The following NUP155 variants were observed in gnomAD, a reference collection of about 807,000 sequenced individuals.
NUP155 encodes the protein nucleoporin 155.
In NUP155, 71 loss-of-function variants were observed where a neutral mutation model predicts 180.4. The observed-to-expected ratio is 0.39, with a 90% CI of 0.33 to 0.48. The LOEUF (loss-of-function observed/expected upper bound fraction) is 0.48. Among genes scored for constraint, NUP155 ranks in the 20% least tolerant of loss-of-function variants. The pLI, the probability that NUP155 is intolerant of heterozygous loss-of-function variation, is 0.91. For missense variants in NUP155, 1,553 were observed against 1,648.9 expected (o/e 0.94, Z 1.01); for synonymous variants, 582 against 559.5 (o/e 1.04, Z -0.57).
chr5:37,346,385 T>G (rs535558730), intron 9 of NUP155, among the ~76,000 whole-genome samples: 6 of 152,200 alleles, frequency 3.9e-5, no homozygotes, highest in Non-Finnish European at 7.4e-5. Context: ...AAAAGAGTGT[T>G]TGCAGGTGGG....
chr5:37,292,718 G>A (rs1742301341), intron 34 of NUP155, among the ~76,000 whole-genome samples, 161 bp downstream of exon 34: 1 of 152,050 alleles, frequency 6.6e-6, no homozygotes, highest in South Asian at 2.1e-4. Context: ...GGTTGAAAAT[G>A]GAAAAAACTC....
At chr5:37,325,021 C>A (rs539708139) in intron 19 of NUP155, among the ~76,000 whole-genome samples, 1 of 152,094 alleles carries the variant, frequency 6.6e-6, no homozygotes, top group Non-Finnish European at 1.5e-5. Context: ...CATGGTGGCG[C>A]GCACCTGTAA....
rs995028488 is a variant in NUP155, at chr5:37,290,980, A to G, written c.*920T>C. On this transcript the variant is annotated 3_prime_UTR_variant, in exon 35 of 35. Transcript: ENST00000231498. ...TCAGTAGTCACAAGGCCAAGCAGCC[A>G]GGTAGACACTAAGGGAAAACAGTAC... The G allele has an allele frequency of 5.9e-5, 9 of 152,212 alleles. No individual in the cohort carries two copies. The highest frequency in any genetic ancestry group is 5.9e-4 in the Admixed American group (9 of 15,264). 9.4% of individuals were successfully genotyped at this position (152,212 alleles called of 1,614,324 possible). A position where few individuals can be genotyped will look rare whatever the true frequency, so the allele number is the denominator to read the frequency against.
intron 1 of NUP155, among the ~76,000 whole-genome samples, chr5:37,368,280 C>T (rs891606756): frequency 5.7e-5 from 8 of 140,204 alleles, no homozygotes; most frequent in African/African-American, 1.4e-4. Flanking sequence ...AGTGCAGCGG[C>T]GCAATCACAG....
chr5:37,347,494 G>A (rs1049900599), intron 9 of NUP155, among the ~76,000 whole-genome samples: 25 of 149,964 alleles, frequency 1.7e-4, no homozygotes, highest in African/African-American at 6.2e-4. Flanking sequence ...TCGGGAGTTC[G>A]AGACCAGCCT....
intron 33 of NUP155, 70 bp downstream of exon 33, chr5:37,294,259 C>A: frequency 1.9e-6 from 2 of 1,069,388 alleles, no homozygotes; most frequent in Non-Finnish European, 1.4e-6. Context: ...AATCAAAATA[C>A]CCCACTCTAT....
At chr5:37,349,995 A>T (rs1399939492) in intron 7 of NUP155, among the ~76,000 whole-genome samples, 165 bp downstream of exon 7, 4 of 152,202 alleles carry the variant, frequency 2.6e-5, no homozygotes, top group African/African-American at 7.2e-5. Flanking sequence ...CACTTTCTCT[A>T]GGTTATGATC....
chr5:37,296,194 G>C (rs1742556794), intron 32 of NUP155, among the ~76,000 whole-genome samples: 1 of 152,238 alleles, frequency 6.6e-6, no homozygotes, highest in South Asian at 2.1e-4. Flanking sequence ...AGCTCATTGA[G>C]AACGGGCCAT....
chr5:37,314,424 T>C lies in NUP155; in HGVS notation c.2306-96A>G, dbSNP rs1743740498. The C allele has an allele frequency of 6.4e-6, 6 of 935,476 alleles. No individual in the cohort carries two copies. The East Asian group carries it at 1.6e-4, about 25-fold the overall frequency. 57.9% of individuals were successfully genotyped at this position (935,476 alleles called of 1,614,324 possible). On this transcript the variant is annotated intron_variant, in intron 21 of 34. Coordinates refer to ENST00000231498, the MANE Select transcript of NUP155 (RefSeq NM_153485.3). The stretch of plus-strand genomic sequence containing the variant: ...TAGTTAAGGTTGAAATCCCTGTTGT[T>C]TTCTTCCTAGCCCCCATTACAGGCA...
At chr5:37,342,995 G>A (rs1279328178) in intron 9 of NUP155, among the ~76,000 whole-genome samples, 3 of 152,172 alleles carry the variant, frequency 2.0e-5, no homozygotes, top group Non-Finnish European at 2.9e-5. Context: ...CGCCCGCCTC[G>A]GCCTTCCAAA....
In NUP155 at chr5:37,370,757, G is replaced by T. The variant is rs866948639; in HGVS notation, c.157+64C>A. The T allele has an allele frequency of 1.8e-4, 291 of 1,613,422 alleles. 1 individual carries two copies. The Middle Eastern group carries it at 1.8e-3, about 10-fold the overall frequency. ...TCGCCGGGACCAACGCTGGGGATAA[G>T]TAGCAAATTAGGAAGTCAGGCGAGA... On this transcript the variant is annotated intron_variant, in intron 1 of 34. Transcript: ENST00000231498.
chr5:37,328,028 A>C (rs943996697), intron 17 of NUP155, among the ~76,000 whole-genome samples: 1 of 152,188 alleles, frequency 6.6e-6, no homozygotes, highest in Non-Finnish European at 1.5e-5. Flanking sequence ...ATAGACTTGC[A>C]AGTGTTCACA....
chr5:37,303,481 A>C, intron 27 of NUP155, 67 bp from the exon 28 acceptor site: 4 of 1,335,984 alleles, frequency 3.0e-6, no homozygotes, highest in Non-Finnish European at 4.3e-6. Context: ...TGATAAGGAA[A>C]ATATAGTATT....
chr5:37,351,470 G>A lies in NUP155; in HGVS notation c.557-114C>T, dbSNP rs1388036742. 9.2e-6 allele frequency: 7 copies of A among 761,058 alleles called. No individual in the cohort carries two copies. The South Asian group carries it at 1.2e-4, about 13-fold the overall frequency. The allele number at this position is 761,058 out of a possible 1,614,324, so 47.1% of individuals were successfully genotyped here. Reference sequence around the variant, plus strand: ...CTCAATTCTTTTTTTTTTTTCTTGAGACAGTCTTACTCTGTCACCCAGGCT... The same window carrying A: ...CTCAATTCTTTTTTTTTTTTCTTGAAACAGTCTTACTCTGTCACCCAGGCT... On this transcript the variant is annotated intron_variant, in intron 5 of 34. Transcript: ENST00000231498.
chr5:37,310,787 A>C, intron 22 of NUP155, 44 bp from the exon 23 acceptor site: 1 of 1,357,602 alleles, frequency 7.4e-7, no homozygotes, highest in Non-Finnish European at 1.0e-6. Context: ...GAAATACCAT[A>C]TTTCTAAACA....
At chr5:37,336,752 CCTACCCCAG>C (rs1745351772) in intron 12 of NUP155, among the ~76,000 whole-genome samples, 1 of 152,120 alleles carries the variant, frequency 6.6e-6, no homozygotes, top group African/African-American at 2.4e-5. Flanking sequence ...TCCTCCTGCT[CCTACCCCAG>C]CTCTTTGAAC....
rs762890792 is a variant in NUP155 at position 37,309,249 on chromosome 5, G to A, written c.2647C>T (p.Arg883Cys). 1.6e-5 allele frequency: 25 copies of A among 1,610,204 alleles called. No homozygotes were observed. The African/African-American group carries it at 1.6e-4, about 10-fold the overall frequency. Residue 883 changes from arginine to cysteine, a missense_variant, in exon 24 of 35, where the codon CGT becomes TGT. Coordinates refer to ENST00000231498, the MANE Select transcript of NUP155 (RefSeq NM_153485.3). ...ICSKANELLQ[R>C]SRQVQNKTEK... ...GTCTTATTTTGAACTTGTCGGGAACGCTGGAGAAGCTCATTTGCCTAGAAG... is the reference window on the plus strand; with the variant it reads ...GTCTTATTTTGAACTTGTCGGGAACACTGGAGAAGCTCATTTGCCTAGAAG...
rs534726776 is a variant in NUP155 at position 37,298,916 on chromosome 5, C to T, written c.3745G>A (p.Val1249Ile). 1.2e-6 allele frequency: 2 copies of T among 1,613,540 alleles called. No individual in the cohort carries two copies. Among genetic ancestry groups the T allele is most frequent in the Non-Finnish European group, 1.7e-6 (2 of 1,179,522 alleles). ...CCAGCATAAATTTTGCCAAGGAGAA[C>T]AATCTTGAGACTAAGAGCATGCATT... ...DRMHALSLKIVLLGKIYAGTP... is the reference protein window; with the variant it reads ...DRMHALSLKIILLGKIYAGTP... The change falls in exon 32 of 35, where the codon GTT becomes ATT. Residue 1249 changes from valine (V) to isoleucine (I), a missense_variant. Coordinates refer to ENST00000231498, the MANE Select transcript of NUP155 (RefSeq NM_153485.3).
chr5:37,341,073 AG>A lies in NUP155; in HGVS notation c.1246+16del, dbSNP rs780094584. ...TTAAGAATATAATCTTAAATCTGAT[AG>A]TATTTCAGAACTTACCTTTACTATA... On this transcript the variant is annotated intron_variant, in intron 11 of 34. Transcript: ENST00000231498. 1 of 1,569,812 alleles carries A rather than the reference AG, an allele frequency of 6.4e-7. No homozygotes were observed.
Sources: gnomAD v4.1 joint callset for allele counts (sites outside exome capture counted in the v4.1 genomes callset) on GRCh38, gnomAD v4.1.1 for gene constraint, MANE v1.5 for transcripts, NCBI Gene and HGNC (gene_info 2026-07-23, HGNC 2026-07-21) for gene names.